Variants in PRKG1 observed in about 807,000 individuals in gnomAD.
PRKG1 encodes the protein protein kinase cGMP-dependent 1, also known as cGMP-dependent protein kinase 1.
A neutral mutation model predicts 88.1 loss-of-function variants in PRKG1; 35 were observed. The ratio of observed to expected loss-of-function variants is 0.40; its 90% CI spans 0.30 to 0.53. The LOEUF (loss-of-function observed/expected upper bound fraction) is 0.53, where lower values mean the gene tolerates loss of function less well. PRKG1 is among the 20% of genes least tolerant of loss of function. PRKG1 has a pLI of 0.59. For missense variants in PRKG1, 540 were observed against 839.8 expected (o/e 0.64, Z 4.41); for synonymous variants, 303 against 292.5 (o/e 1.04, Z -0.37).
In PRKG1 at chr10:51,133,628, T is replaced by G. The variant is rs113831690; in HGVS notation, c.312-19536T>G. On this transcript the variant is annotated intron_variant, in intron 1 of 17. Coordinates refer to ENST00000373980, the MANE Select transcript of PRKG1 (RefSeq NM_006258.4). ...CTGCCTGACTTTCTGGACAAGAGTG[T>G]GGAGAGCTTTGATTTCTAAAACTGC... Among the ~76,000 whole-genome samples the G allele has an allele frequency of 2.4e-3, 368 of 152,288 alleles. 3 individuals carry two copies. The highest frequency in any genetic ancestry group is 8.5e-3 in the African/African-American group (353 of 41,568).
rs1434457506 is a variant in PRKG1 at position 52,296,623 on chromosome 10, A to G, written c.*2723A>G. 2 of 152,008 alleles carry G rather than the reference A, an allele frequency of 1.3e-5. No individual in the cohort carries two copies. Among genetic ancestry groups the G allele is most frequent in the African/African-American group, 4.8e-5 (2 of 41,418 alleles). 9.4% of individuals were successfully genotyped at this position (152,008 alleles called of 1,614,324 possible). ...ATCTGGATAAGTTAGAATAGTGCCA[A>G]CTTGTTTGATTTGTTATATGATTTT... On this transcript the variant is annotated 3_prime_UTR_variant, in exon 18 of 18. Coordinates refer to ENST00000373980, the MANE Select transcript of PRKG1 (RefSeq NM_006258.4).
chr10:51,943,786 G>T (rs995355315), intron 5 of PRKG1, among the ~76,000 whole-genome samples: 2 of 151,974 alleles, frequency 1.3e-5, no homozygotes, highest in South Asian at 4.1e-4. Context: ...AACCAGCCTT[G>T]CTTCCCAGGG....
At chr10:51,308,151 C>T (rs939749813) in intron 2 of PRKG1, among the ~76,000 whole-genome samples, 2 of 152,172 alleles carry the variant, frequency 1.3e-5, no homozygotes, top group African/African-American at 4.8e-5. Context: ...AAATGAATTC[C>T]TTTCCCTTGC....
intron 3 of PRKG1, among the ~76,000 whole-genome samples, chr10:51,660,300 T>TTCA (rs752828760): frequency 1.6e-4 from 24 of 151,868 alleles, no homozygotes; most frequent in African/African-American, 4.4e-4. Flanking sequence ...CACCGCCACC[T>TTCA]TCATCATCAT....
At position 51,561,821 on chromosome 10, in the gene PRKG1, T is replaced by C. The variant is rs546194330; in HGVS notation, c.592+93985T>C. Among the ~76,000 whole-genome samples the C allele has an allele frequency of 2.0e-5, 3 of 152,244 alleles. No homozygotes were observed. In the East Asian group the frequency reaches 5.8e-4, roughly 29 times the overall value. ...AATAGAGTGTTTAGTCATCTTTGCA[T>C]TACGTAAATGAGAGTGATTGGTCTA... On this transcript the variant is annotated intron_variant, in intron 3 of 17. Coordinates refer to ENST00000373980, the MANE Select transcript of PRKG1 (RefSeq NM_006258.4).
chr10:52,096,089 G>T (rs1241185550), intron 7 of PRKG1, among the ~76,000 whole-genome samples: 1 of 152,000 alleles, frequency 6.6e-6, no homozygotes, highest in Non-Finnish European at 1.5e-5. Context: ...GAGGCTGTAG[G>T]GTCTCTGTAT....
chr10:51,684,747 G>T (rs571572302), intron 3 of PRKG1, among the ~76,000 whole-genome samples: 1 of 152,078 alleles, frequency 6.6e-6, no homozygotes, highest in African/African-American at 2.4e-5. Flanking sequence ...CATGCCTGTG[G>T]CCCCAGCTAC....
intron 5 of PRKG1, among the ~76,000 whole-genome samples, chr10:51,975,270 T>A (rs1433594104): frequency 6.6e-6 from 1 of 151,976 alleles, no homozygotes. Context: ...TCTGTCTGAG[T>A]CTCTCGTGTA....
intron 3 of PRKG1, among the ~76,000 whole-genome samples, chr10:51,522,316 C>G (rs566693486): frequency 1.1e-4 from 16 of 152,256 alleles, no homozygotes; most frequent in Admixed American, 3.9e-4. Flanking sequence ...ACAACCATCA[C>G]ATAGGTATTC....
chr10:52,200,939 G>A (rs1839649729), intron 9 of PRKG1, among the ~76,000 whole-genome samples: 2 of 152,062 alleles, frequency 1.3e-5, no homozygotes, highest in Admixed American at 1.3e-4. Context: ...ATTCCTTATA[G>A]ATTCTAGATA....
chr10:51,127,382 GA>G (rs1845456627), intron 1 of PRKG1, among the ~76,000 whole-genome samples: 1 of 152,152 alleles, frequency 6.6e-6, no homozygotes, highest in Non-Finnish European at 1.5e-5. Context: ...GATCATTAGA[GA>G]AATGCAAATC....
intron 3 of PRKG1, among the ~76,000 whole-genome samples, chr10:51,717,151 G>C (rs1046883950): frequency 1.3e-5 from 2 of 152,232 alleles, no homozygotes; most frequent in Non-Finnish European, 2.9e-5. Context: ...ACGTACCCAG[G>C]TCTGAAAATA....
intron 5 of PRKG1, among the ~76,000 whole-genome samples, chr10:52,019,047 C>T (rs1845115691): frequency 6.6e-6 from 1 of 152,116 alleles, no homozygotes; most frequent in Non-Finnish European, 1.5e-5. Context: ...TGGTGAGGGC[C>T]TCATCCTGCT....
At chr10:51,635,502 T>C (rs1027208235) in intron 3 of PRKG1, among the ~76,000 whole-genome samples, 10 of 152,084 alleles carry the variant, frequency 6.6e-5, no homozygotes, top group Non-Finnish European at 1.0e-4. Context: ...AAAATGCCCG[T>C]GGCCAAAACT....
intron 1 of PRKG1, among the ~76,000 whole-genome samples, chr10:51,146,016 A>AAAAC (rs892827965): frequency 6.6e-6 from 1 of 151,536 alleles, no homozygotes; most frequent in East Asian, 1.9e-4. Flanking sequence ...AAAATACGAA[A>AAAAC]AAACAAACAA....
At chr10:52,190,483 G>A (rs1839333916) in intron 9 of PRKG1, among the ~76,000 whole-genome samples, 1 of 152,032 alleles carries the variant, frequency 6.6e-6, no homozygotes, top group South Asian at 2.1e-4. Flanking sequence ...GGTAACACTT[G>A]TTGGGCCCTT....
At chr10:51,138,831 C>T (rs945183517) in intron 1 of PRKG1, among the ~76,000 whole-genome samples, 14 of 151,344 alleles carry the variant, frequency 9.3e-5, no homozygotes, top group Admixed American at 4.6e-4. Context: ...TACAGGCATG[C>T]GCCACCATGC....
At chr10:51,115,789 T>C (rs574563208) in intron 1 of PRKG1, among the ~76,000 whole-genome samples, 4 of 151,098 alleles carry the variant, frequency 2.6e-5, no homozygotes, top group African/African-American at 9.7e-5. Flanking sequence ...TGAGCTGAGA[T>C]TGTGCCAATG....
At chr10:51,401,805 A>G (rs1190926990) in intron 2 of PRKG1, among the ~76,000 whole-genome samples, 1 of 152,188 alleles carries the variant, frequency 6.6e-6, no homozygotes, top group African/African-American at 2.4e-5. Flanking sequence ...ACACAAAAAT[A>G]GGAACTCTAG....
Sources: allele counts gnomAD v4.1 joint callset (sites outside exome capture counted in the v4.1 genomes callset), GRCh38; gene constraint gnomAD v4.1.1; transcripts MANE v1.5; gene names NCBI Gene and HGNC (gene_info 2026-07-23, HGNC 2026-07-21).